The following HHAT variants were observed in gnomAD, a reference collection of about 807,000 sequenced individuals.
HHAT encodes hedgehog acyltransferase.
A neutral mutation model predicts 70.8 loss-of-function variants in HHAT; 47 were observed. The ratio of observed to expected loss-of-function variants is 0.66; its 90% CI spans 0.53 to 0.85. HHAT has a LOEUF of 0.85. Ranked by LOEUF, HHAT falls within the 40% of genes least tolerant of loss-of-function variation. HHAT has a pLI of 0.00. For missense variants in HHAT, 609 were observed against 604.8 expected (o/e 1.01, Z -0.07); for synonymous variants, 228 against 247.6 (o/e 0.92, Z 0.74).
chr1:210,453,424 A>G (rs1315843091), intron 7 of HHAT, among the ~76,000 whole-genome samples: 1 of 152,210 alleles, frequency 6.6e-6, no homozygotes, highest in Non-Finnish European at 1.5e-5. Context: ...ATGCTTGCAG[A>G]ATGGAAGAGA....
intron 1 of HHAT, among the ~76,000 whole-genome samples, chr1:210,334,885 A>G (rs536772501): frequency 4.5e-4 from 68 of 152,240 alleles, no homozygotes; most frequent in African/African-American, 1.5e-3. Context: ...ATTACCAAAG[A>G]CACAAAAACT....
chr1:210,504,525 A>T (rs1393266733), intron 8 of HHAT, among the ~76,000 whole-genome samples: 1 of 152,152 alleles, frequency 6.6e-6, no homozygotes, highest in African/African-American at 2.4e-5. Flanking sequence ...GTGCATCATG[A>T]TTTCCACTGC....
At chr1:210,638,073 T>C (rs1294661041) in intron 11 of HHAT, among the ~76,000 whole-genome samples, 1 of 152,100 alleles carries the variant, frequency 6.6e-6, no homozygotes, top group South Asian at 2.1e-4. Flanking sequence ...TGTGGAGAAA[T>C]TGGAACCTTT....
At chr1:210,628,289 CT>C (rs1007468324) in intron 11 of HHAT, among the ~76,000 whole-genome samples, 9 of 152,024 alleles carry the variant, frequency 5.9e-5, no homozygotes, top group African/African-American at 2.2e-4. Flanking sequence ...AAAAGTCTGC[CT>C]GCTTTTGTCC....
chr1:210,618,704 C>G (rs1668245360), intron 10 of HHAT, among the ~76,000 whole-genome samples: 3 of 152,160 alleles, frequency 2.0e-5, no homozygotes, highest in Admixed American at 2.0e-4. Flanking sequence ...CCTCCCTTCC[C>G]CATGTATGTT....
chr1:210,421,719 A>C (rs1182524412), intron 7 of HHAT, among the ~76,000 whole-genome samples: 1 of 152,320 alleles, frequency 6.6e-6, no homozygotes. Flanking sequence ...TGCTGGGATT[A>C]CAGCTATGAG....
intron 10 of HHAT, among the ~76,000 whole-genome samples, chr1:210,622,281 C>T (rs1668991416): frequency 6.6e-6 from 1 of 152,120 alleles, no homozygotes. Flanking sequence ...CAGGAAATAT[C>T]TCCAGACCCT....
At chr1:210,427,372 C>T (rs946695518) in intron 7 of HHAT, among the ~76,000 whole-genome samples, 9 of 151,996 alleles carry the variant, frequency 5.9e-5, no homozygotes, top group Admixed American at 1.3e-4. Flanking sequence ...TCTTGGTTCT[C>T]TAGTTCTTTT....
chr1:210,536,077 C>A (rs1386425528), intron 9 of HHAT, among the ~76,000 whole-genome samples: 1 of 152,170 alleles, frequency 6.6e-6, no homozygotes, highest in Admixed American at 6.5e-5. Context: ...GATTTGGCTG[C>A]CTCAATGTGG....
chr1:210,415,699 C>T (rs1462284632), intron 6 of HHAT, among the ~76,000 whole-genome samples: 1 of 151,952 alleles, frequency 6.6e-6, no homozygotes, highest in African/African-American at 2.4e-5. Context: ...CTGTCTGTCA[C>T]CCAGGGTGGA....
intron 9 of HHAT, among the ~76,000 whole-genome samples, chr1:210,560,332 A>G (rs1354472050): frequency 1.3e-5 from 2 of 152,188 alleles, no homozygotes; most frequent in African/African-American, 2.4e-5. Context: ...CTTAAAAACA[A>G]TGGGAATGTC....
At chr1:210,442,891 A>G (rs1172311444) in intron 7 of HHAT, among the ~76,000 whole-genome samples, 2 of 151,962 alleles carry the variant, frequency 1.3e-5, no homozygotes, top group Non-Finnish European at 2.9e-5. Flanking sequence ...TTTTGTTGCC[A>G]TTGCTTTTGG....
At chr1:210,371,615 C>T (rs749244909) in intron 3 of HHAT, among the ~76,000 whole-genome samples, 3 of 152,144 alleles carry the variant, frequency 2.0e-5, no homozygotes, top group Non-Finnish European at 4.4e-5. Context: ...TGAACATTCA[C>T]GCACACAGCC....
chr1:210,644,575 T>G (rs34771900), intron 11 of HHAT, among the ~76,000 whole-genome samples: 1 of 137,052 alleles, frequency 7.3e-6, no homozygotes, highest in African/African-American at 2.8e-5. Context: ...TGCACTCCAG[T>G]CTGAGTGACA....
chr1:210,529,143 G>A (rs1369939457), intron 9 of HHAT, among the ~76,000 whole-genome samples: 5 of 151,812 alleles, frequency 3.3e-5, no homozygotes, highest in Admixed American at 6.6e-5. Context: ...CATTTCTACT[G>A]AAAAAACAAA....
At chr1:210,401,304 G>A (rs966245502) in intron 5 of HHAT, among the ~76,000 whole-genome samples, 2 of 152,098 alleles carry the variant, frequency 1.3e-5, no homozygotes, top group Non-Finnish European at 2.9e-5. Flanking sequence ...AGTAGAGATG[G>A]GGTTTCACCA....
chr1:210,327,407 G>T (rs2084657583), upstream of HHAT, among the ~76,000 whole-genome samples: 2 of 149,988 alleles, frequency 1.3e-5, no homozygotes, highest in South Asian at 2.1e-4. Context: ...AAAGTGCTGG[G>T]ATTACAAGCT....
Position 210,464,520 on chromosome 1 carries a change from C to T in HHAT, c.872C>T (p.Ala291Val), listed in dbSNP as rs2094053839. The T allele has an allele frequency of 6.2e-7, 1 of 1,614,040 alleles. No individual in the cohort carries two copies. The highest frequency in any genetic ancestry group is 1.1e-5 in the South Asian group (1 of 91,086). ...SCWTLGGLAL[A>V]QVLFFYVKYL... The stretch of plus-strand genomic sequence containing the variant: ...TGCCTTTCAGGAGGACTGGCGTTAG[C>T]CCAGGTGCTCTTTTTCTACGTGAAG... Residue 291 changes from alanine to valine, a missense_variant, in exon 8 of 12, where the codon GCC becomes GTC. Ala to Val is a moderately conservative substitution (Grantham distance 64). Coordinates refer to ENST00000261458, the MANE Select transcript of HHAT (RefSeq NM_018194.6).
Position 210,398,566 on chromosome 1 carries a change from C to A in HHAT, c.274-1902C>A, listed in dbSNP as rs115907142. ...TTCCTGAAGCTTCTTTCAGCATTTT[C>A]CAAGTTGAAGCAGCTTCAGTCTGTG... On this transcript the variant is annotated intron_variant, in intron 4 of 11. Coordinates refer to ENST00000261458, the MANE Select transcript of HHAT (RefSeq NM_018194.6). Among the ~76,000 whole-genome samples the A allele has an allele frequency of 1.9e-3, 286 of 152,286 alleles. 1 individual carries two copies. The highest frequency in any genetic ancestry group is 6.6e-3 in the African/African-American group (274 of 41,560).
Sources: gnomAD v4.1 joint callset for allele counts (sites outside exome capture counted in the v4.1 genomes callset) on GRCh38, gnomAD v4.1.1 for gene constraint, MANE v1.5 for transcripts, NCBI Gene and HGNC (gene_info 2026-07-23, HGNC 2026-07-21) for gene names.